Variants in UGT2A2 observed in about 807,000 individuals in gnomAD.
UGT2A2 encodes UDP-glucuronosyltransferase 2A2.
UGT2A2 carries 60 observed loss-of-function variants against 50.7 expected under a neutral mutation model. That is an observed-to-expected ratio of 1.18 (90% confidence interval 0.96 to 1.47). UGT2A2 has a LOEUF of 1.47. UGT2A2 is among the 40% of genes most tolerant of loss of function. The pLI is 0.00. For synonymous variants in UGT2A2, 242 were observed against 214.6 expected (o/e 1.13, Z -1.11); for missense variants, 762 against 634.0 (o/e 1.20, Z -2.17).
At position 69,596,506 on chromosome 4, in the gene UGT2A2, TG is replaced by T; in HGVS notation, c.892-126del. 3 of 1,276,430 alleles carry T rather than the reference TG, an allele frequency of 2.4e-6. No homozygotes were observed. In the South Asian group the frequency reaches 7.1e-5, roughly 30 times the overall value. The allele number at this position is 1,276,430 out of a possible 1,614,324, so 79.1% of individuals were successfully genotyped here. ...AGAAACTGTTGAACTGTCTGTCTTC[TG>T]ACATGTAGAAAGATCTAGTTTCTAT... On this transcript the variant is annotated intron_variant, in intron 2 of 5. Transcript: ENST00000604629.
chr4:69,639,442 T>G lies in UGT2A2; in HGVS notation c.199A>C (p.Thr67Pro), dbSNP rs1050745632. Residue 67 changes from threonine to proline, a missense_variant, in exon 1 of 6, where the codon ACT becomes CCT. Thr to Pro is a conservative substitution (Grantham distance 38). Coordinates refer to ENST00000604629, the MANE Select transcript of UGT2A2 (RefSeq NM_001105677.2). ...HNVTVLASSA[T>P]LFINSNPDSP... ...TCGGGATTGGAGTTGATGAATAGAG[T>G]TGCTGATGAAGCCAGTACAGTCACA... 6.2e-7 allele frequency: 1 copy of G among 1,612,966 alleles called. No individual in the cohort carries two copies. The highest frequency in any genetic ancestry group is 8.5e-7 in the Non-Finnish European group (1 of 1,179,520).
chr4:69,589,769 A>T (rs1298224005), intron 5 of UGT2A2, 118 bp from the exon 6 acceptor site: 2 of 1,386,274 alleles, frequency 1.4e-6, no homozygotes, highest in Non-Finnish European at 1.9e-6. Flanking sequence ...TGGAGAAAAT[A>T]TAATTCTTGC....
At chr4:69,615,777 T>A (rs960644748) in intron 1 of UGT2A2, among the ~76,000 whole-genome samples, 3 of 151,738 alleles carry the variant, frequency 2.0e-5, no homozygotes, top group Admixed American at 2.0e-4. Flanking sequence ...GGTGAGGATA[T>A]GGAAAAAGGG....
At chr4:69,611,395 T>C (rs774641900) in intron 1 of UGT2A2, among the ~76,000 whole-genome samples, 38 of 151,850 alleles carry the variant, frequency 2.5e-4, no homozygotes, top group Admixed American at 1.9e-3. Context: ...GGTAACATTA[T>C]AGTCTCAGAG....
chr4:69,634,089 C>CA (rs1239076261), intron 1 of UGT2A2, among the ~76,000 whole-genome samples: 1 of 151,978 alleles, frequency 6.6e-6, no homozygotes, highest in East Asian at 1.9e-4. Flanking sequence ...ACTAAAAATA[C>CA]AAAAAATTAG....
At chr4:69,637,938 G>A (rs904236721) in intron 1 of UGT2A2, among the ~76,000 whole-genome samples, 1 of 136,406 alleles carries the variant, frequency 7.3e-6, no homozygotes, top group Non-Finnish European at 1.5e-5. Context: ...CAGGAAGGAA[G>A]GAAGGAAAGA....
At chr4:69,606,476 G>T (rs544180019) in intron 1 of UGT2A2, among the ~76,000 whole-genome samples, 2 of 136,364 alleles carry the variant, frequency 1.5e-5, no homozygotes, top group African/African-American at 6.0e-5. Context: ...ATACTGAATG[G>T]ACAAAAACTG....
chr4:69,593,696 A>G (rs1718717228), intron 5 of UGT2A2, among the ~76,000 whole-genome samples: 1 of 151,774 alleles, frequency 6.6e-6, no homozygotes, highest in South Asian at 2.1e-4. Context: ...CAATATTTAA[A>G]AAATTATCCA....
chr4:69,632,130 C>A (rs184178305), intron 1 of UGT2A2, among the ~76,000 whole-genome samples: 2 of 152,108 alleles, frequency 1.3e-5, no homozygotes, highest in Admixed American at 6.5e-5. Context: ...TTTTCAATAA[C>A]AAAATTGTCT....
intron 1 of UGT2A2, among the ~76,000 whole-genome samples, chr4:69,634,887 T>G (rs2109961573): frequency 6.6e-6 from 1 of 152,282 alleles, no homozygotes; most frequent in Middle Eastern, 3.4e-3. Context: ...CATTTTTATC[T>G]TATATTGTGC....
Position 69,599,278 on chromosome 4 carries a change from A to G in UGT2A2, c.859T>C (p.Leu287=). 6.2e-7 allele frequency: 1 copy of G among 1,613,742 alleles called. No homozygotes were observed. The highest frequency in any genetic ancestry group is 8.5e-7 in the Non-Finnish European group (1 of 1,179,874). ...YLPNFEFVGG[L]HCKPAKPLPK... ...AAAGGTTTGGCAGGTTTGCAGTGCA[A>G]TCCTCCAACAAACTCAAAATTAGGT... The change falls in exon 2 of 6, where the codon TTG becomes CTG. Residue 287 remains leucine (L), a synonymous_variant. Coordinates refer to ENST00000604629, the MANE Select transcript of UGT2A2 (RefSeq NM_001105677.2).
intron 1 of UGT2A2, among the ~76,000 whole-genome samples, chr4:69,612,823 G>T (rs1720142038): frequency 6.7e-6 from 1 of 150,086 alleles, no homozygotes; most frequent in Non-Finnish European, 1.5e-5. Flanking sequence ...CCATGGCAAA[G>T]AACTTTTGGC....
chr4:69,600,559 A>G (rs1045702549), intron 1 of UGT2A2, among the ~76,000 whole-genome samples: 5 of 152,210 alleles, frequency 3.3e-5, no homozygotes, highest in Admixed American at 6.5e-5. Flanking sequence ...CACAGTTTCC[A>G]TCTCAGTGGG....
chr4:69,626,313 G>T (rs10023818), intron 1 of UGT2A2, among the ~76,000 whole-genome samples: 6,570 of 150,966 alleles, frequency 0.044, 187 homozygotes, highest in African/African-American at 0.07. Flanking sequence ...CACATCTAAA[G>T]ACTCTATTTG....
At chr4:69,605,764 A>C (rs1719570826) in intron 1 of UGT2A2, among the ~76,000 whole-genome samples, 1 of 137,286 alleles carries the variant, frequency 7.3e-6, no homozygotes, top group Non-Finnish European at 1.6e-5. Context: ...CCACAGAAAT[A>C]CAAAGTACCA....
At chr4:69,593,981 G>T (rs2033799) in intron 5 of UGT2A2, among the ~76,000 whole-genome samples, 78,131 of 131,490 alleles carry the variant, frequency 0.59, 23,569 homozygotes, top group East Asian at 0.72. Flanking sequence ...TTTTTTGTTT[G>T]TTTTTTTTTT....
chr4:69,589,325 G>A lies in UGT2A2; in HGVS notation c.*47C>T. 1 of 1,523,830 alleles carries A rather than the reference G, an allele frequency of 6.6e-7. No individual in the cohort carries two copies. The allele number at this position is 1,523,830 out of a possible 1,614,324, so 94.4% of individuals were successfully genotyped here. ...GGAATTAATAGGACTACACTACTCA[G>A]GATTTTGCCAAACTTAAAAATATAT... is the stretch of plus-strand genomic sequence containing the variant. On this transcript the variant is annotated 3_prime_UTR_variant, in exon 6 of 6. Coordinates refer to ENST00000604629, the MANE Select transcript of UGT2A2 (RefSeq NM_001105677.2).
chr4:69,635,011 G>A (rs1386019211), intron 1 of UGT2A2, among the ~76,000 whole-genome samples: 1 of 152,040 alleles, frequency 6.6e-6, no homozygotes, highest in East Asian at 1.9e-4. Context: ...TGAGGGGATG[G>A]ATACCCCGTA....
chr4:69,609,196 A>T (rs1046484268), intron 1 of UGT2A2, among the ~76,000 whole-genome samples: 1 of 145,660 alleles, frequency 6.9e-6, no homozygotes, highest in Admixed American at 7.0e-5. Context: ...TCTGTCTTCC[A>T]GGCTGGAATG....
Sources: allele counts gnomAD v4.1 joint callset (sites outside exome capture counted in the v4.1 genomes callset), GRCh38; gene constraint gnomAD v4.1.1; transcripts MANE v1.5; gene names NCBI Gene and HGNC (gene_info 2026-07-23, HGNC 2026-07-21).